Variants in ANKAR observed in about 807,000 individuals in gnomAD.
The protein encoded by ANKAR is ankyrin and armadillo repeat-containing protein.
ANKAR carries 136 observed loss-of-function variants against 146.2 expected under a neutral mutation model. The ratio of observed to expected loss-of-function variants is 0.93; its 90% CI spans 0.81 to 1.07. The LOEUF is 1.07. ANKAR is among the 50% of genes least tolerant of loss of function. The pLI is 0.00. For missense variants in ANKAR, 1,567 were observed against 1,679.9 expected, an observed-to-expected ratio of 0.93 and a Z score of 1.18; for synonymous variants, 500 against 575.8, an observed-to-expected ratio of 0.87 and a Z score of 1.88.
chr2:189,737,091 GAAAA>G (rs1244536937), intron 17 of ANKAR, among the ~76,000 whole-genome samples: 1 of 137,866 alleles, frequency 7.3e-6, no homozygotes, highest in African/African-American at 2.7e-5. Flanking sequence ...AAAAGAAAAA[GAAAA>G]AAAAAGAAAA....
chr2:189,711,022 T>A, intron 9 of ANKAR, 27 bp from the exon 10 acceptor site: 1 of 1,576,982 alleles, frequency 6.3e-7, no homozygotes. Flanking sequence ...AAATTACAGC[T>A]GTGTTTTTCT....
chr2:189,703,061 G>T (rs2038319285), intron 7 of ANKAR, among the ~76,000 whole-genome samples: 1 of 152,166 alleles, frequency 6.6e-6, no homozygotes, highest in Non-Finnish European at 1.5e-5. Flanking sequence ...TACATTTGGG[G>T]AGCTACAAGA....
intron 17 of ANKAR, among the ~76,000 whole-genome samples, chr2:189,736,426 T>C (rs1216670512): frequency 2.0e-5 from 3 of 151,928 alleles, no homozygotes; most frequent in Non-Finnish European, 4.4e-5. Flanking sequence ...ACGCTTTGAC[T>C]ATGAATGAGA....
At chr2:189,679,718 G>T (rs2034341952) in intron 2 of ANKAR, among the ~76,000 whole-genome samples, 2 of 151,946 alleles carry the variant, frequency 1.3e-5, no homozygotes, top group African/African-American at 4.8e-5. Flanking sequence ...CTATTGAGAT[G>T]ATTTTTGTTT....
chr2:189,723,852 C>T (rs115751080), intron 12 of ANKAR, among the ~76,000 whole-genome samples: 2,501 of 152,246 alleles, frequency 0.016, 68 homozygotes, highest in African/African-American at 0.057. Flanking sequence ...ACATCCCTGA[C>T]GTCTTCCCTG....
chr2:189,760,958 C>G (rs1418426381), intron 18 of ANKAR: 1 of 152,452 alleles, frequency 6.6e-6, no homozygotes, highest in African/African-American at 2.4e-5. Context: ...GGTAACCTGC[C>G]TGGTAGTCCT....
chr2:189,686,617 C>T (rs1457451409), intron 2 of ANKAR, among the ~76,000 whole-genome samples: 1 of 152,038 alleles, frequency 6.6e-6, no homozygotes, highest in African/African-American at 2.4e-5. Context: ...GCTTTTGGCC[C>T]AAGTGAGAAG....
Position 189,742,951 on chromosome 2 carries a change from CACACACACACACACACACACACACACA to C in ANKAR, c.3811-323_3811-297del, listed in dbSNP as rs1559147825. Among the ~76,000 whole-genome samples, 6 of 143,210 alleles carry C rather than the reference CACACACACACACACACACACACACACA, an allele frequency of 4.2e-5. No individual in the cohort carries two copies. In the South Asian group the frequency reaches 8.9e-4, roughly 21 times the overall value. 94.0% of individuals were successfully genotyped at this position (143,210 alleles called of 152,430 possible). On this transcript the variant is annotated intron_variant, in intron 20 of 22. Coordinates refer to ENST00000684021, the MANE Select transcript of ANKAR (RefSeq NM_001378068.1). ...ACACACACACACACACACACACACACACACACACACACACACACACACACACACACCCCTGAAAGGATTCTGATTTAG... is the reference window on the plus strand; with the variant it reads ...ACACACACACACACACACACACACACCACCCCTGAAAGGATTCTGATTTAG...
At chr2:189,760,644 A>T (rs2046900286) in intron 18 of ANKAR, among the ~76,000 whole-genome samples, 1 of 151,958 alleles carries the variant, frequency 6.6e-6, no homozygotes, top group African/African-American at 2.4e-5. Flanking sequence ...GCAAAAAATC[A>T]GCTGGGCGTG....
rs10707585 is a variant in ANKAR at position 189,732,659 on chromosome 2, T to TAAAAAAAAAAAAAAAAAAAA, written c.3301-442_3301-423dup. Among the ~76,000 whole-genome samples the TAAAAAAAAAAAAAAAAAAAA allele has an allele frequency of 4.0e-5, 2 of 50,388 alleles. 1 individual carries two copies. The highest frequency in any genetic ancestry group is 1.5e-4 in the African/African-American group (2 of 13,294). 33.1% of individuals were successfully genotyped at this position (50,388 alleles called of 152,430 possible). A position where few individuals can be genotyped will look rare whatever the true frequency, so the allele number is the denominator to read the frequency against. On this transcript the variant is annotated intron_variant, in intron 16 of 22. Transcript: ENST00000684021. ...CTGGGCAACAGAGCAAGACTCCATC[T>TAAAAAAAAAAAAAAAAAAAA]AAAAAAAAAAAAAAAAAAAAAAAAA...
At chr2:189,750,444 T>C (rs1159820121), downstream of ANKAR, 1 of 422,828 alleles carries the variant, frequency 2.4e-6, no homozygotes, top group African/African-American at 5.6e-5. Flanking sequence ...AGGTAAAACA[T>C]CAAATAGAAA....
At position 189,727,971 on chromosome 2, in the gene ANKAR, A is replaced by T; in HGVS notation, c.2751A>T (p.Lys917Asn). The change falls in exon 13 of 23, where the codon AAA becomes AAT. Residue 917 changes from lysine (K) to asparagine (N), a missense_variant. Lys to Asn is a moderately conservative substitution (Grantham distance 94, BLOSUM62 0). Coordinates refer to ENST00000684021, the MANE Select transcript of ANKAR (RefSeq NM_001378068.1). ...TTCCTCCTCTGGTGGCTCTTTTTAA[A>T]GGGAAACAAATTAGTGTCCAAATGA... is the stretch of plus-strand genomic sequence containing the variant. Reference protein sequence around the residue: ...GAIPPLVALFKGKQISVQMKG... With the variant: ...GAIPPLVALFNGKQISVQMKG... 2 of 1,614,088 alleles carry T rather than the reference A, an allele frequency of 1.2e-6. No homozygotes were observed. Among genetic ancestry groups the T allele is most frequent in the Non-Finnish European group, 1.7e-6 (2 of 1,179,980 alleles).
At chr2:189,718,785 C>T (rs2040875312) in intron 10 of ANKAR, among the ~76,000 whole-genome samples, 1 of 150,296 alleles carries the variant, frequency 6.7e-6, no homozygotes, top group South Asian at 2.1e-4. Context: ...CTCTGTCGCC[C>T]AGGCCGGACT....
chr2:189,683,620 C>A (rs2035086758), intron 2 of ANKAR, among the ~76,000 whole-genome samples: 1 of 152,202 alleles, frequency 6.6e-6, no homozygotes, highest in Non-Finnish European at 1.5e-5. Context: ...AGTGTACCAC[C>A]TCTCCCCTGG....
In ANKAR at chr2:189,676,663, A is replaced by T. The variant is rs1237281338; in HGVS notation, c.173A>T (p.Lys58Ile). The change falls in exon 2 of 23, where the codon AAA (lysine) becomes ATA (isoleucine). Residue 58 changes from lysine (K) to isoleucine (I), a missense_variant. Lys to Ile is a moderately radical substitution (Grantham distance 102). Coordinates refer to ENST00000684021, the MANE Select transcript of ANKAR (RefSeq NM_001378068.1). ...TTALVSWLSA[K>I]EDVRSQVDLP... ...GCACTAGTTAGCTGGTTGTCTGCCA[A>T]AGAGGATGTGCGCTCTCAAGTAGAC... 6.2e-7 allele frequency: 1 copy of T among 1,614,190 alleles called. No homozygotes were observed. Among genetic ancestry groups the T allele is most frequent in the Admixed American group, 1.7e-5 (1 of 60,018 alleles).
intron 12 of ANKAR, among the ~76,000 whole-genome samples, chr2:189,727,400 T>C (rs968808277): frequency 6.6e-6 from 1 of 151,626 alleles, no homozygotes; most frequent in Non-Finnish European, 1.5e-5. Flanking sequence ...CCGGGTGTGG[T>C]GGTGCACACC....
chr2:189,751,662 C>T (rs1266044042), intron 18 of ANKAR, among the ~76,000 whole-genome samples: 1 of 150,600 alleles, frequency 6.6e-6, no homozygotes, highest in Non-Finnish European at 1.5e-5. Context: ...CCAGGCTGGT[C>T]TCGAACTCCT....
chr2:189,739,453 GA>G (rs1343462624), intron 19 of ANKAR, among the ~76,000 whole-genome samples: 3 of 151,718 alleles, frequency 2.0e-5, no homozygotes, highest in East Asian at 1.9e-4. Flanking sequence ...AAACTAGCTA[GA>G]AAAAAAGTTT....
intron 2 of ANKAR, among the ~76,000 whole-genome samples, chr2:189,679,910 T>C (rs942187445): frequency 1.3e-5 from 2 of 152,228 alleles, no homozygotes; most frequent in Non-Finnish European, 2.9e-5. Flanking sequence ...GTCTGTAGTT[T>C]TCTTTTTTTG....
Sources: gnomAD v4.1 joint callset for allele counts (sites outside exome capture counted in the v4.1 genomes callset) on GRCh38, gnomAD v4.1.1 for gene constraint, MANE v1.5 for transcripts, NCBI Gene and HGNC (gene_info 2026-07-23, HGNC 2026-07-21) for gene names.